Variants in ACAD10 observed in about 807,000 individuals in gnomAD.
ACAD10 encodes the protein ACAD-10.
In ACAD10, 112 loss-of-function variants were observed where a neutral mutation model predicts 116.8. The observed-to-expected ratio is 0.96, with a 90% CI of 0.82 to 1.12. The LOEUF (loss-of-function observed/expected upper bound fraction) is 1.12. Among genes scored for constraint, ACAD10 ranks in the 50% most tolerant of loss-of-function variants. The probability of loss-of-function intolerance (pLI) is 0.00; values close to 1 mark genes in which losing one functional copy is unlikely to be tolerated. For missense variants in ACAD10, 1,259 were observed against 1,350.2 expected (o/e 0.93, Z 1.06); for synonymous variants, 486 against 510.6 (o/e 0.95, Z 0.65).
At chr12:111,723,363 C>T (rs1437411729) in intron 8 of ACAD10, among the ~76,000 whole-genome samples, 26 of 129,758 alleles carry the variant, frequency 2.0e-4, no homozygotes, top group African/African-American at 6.7e-4. Flanking sequence ...GCTGTCCAGG[C>T]GGGGGGCTGA....
At chr12:111,753,677 C>G in intron 18 of ACAD10, 95 bp from the exon 19 acceptor site, 1 of 1,552,936 alleles carries the variant, frequency 6.4e-7, no homozygotes, top group Non-Finnish European at 8.9e-7. Context: ...CCTGTCCTGT[C>G]TGCTTCCACC....
chr12:111,729,774 T>A, intron 9 of ACAD10, 32 bp from the exon 10 acceptor site: 1 of 1,598,294 alleles, frequency 6.3e-7, no homozygotes, highest in Non-Finnish European at 8.6e-7. Flanking sequence ...TTGCTGAAAT[T>A]GCACACCAAG....
chr12:111,745,211 C>T (rs1566166691), intron 13 of ACAD10, 168 bp downstream of exon 13: 4 of 755,408 alleles, frequency 5.3e-6, no homozygotes, highest in Non-Finnish European at 8.3e-6. Context: ...GACTCAGTTT[C>T]CATCTCTTGC....
rs774510931 is a variant in ACAD10, at chr12:111,728,094, TCA to T, written c.1197_1198del (p.His399GlnfsTer10). 11 of 1,613,664 alleles carry T rather than the reference TCA, an allele frequency of 6.8e-6. No individual in the cohort carries two copies. The highest frequency in any genetic ancestry group is 6.6e-5 in the South Asian group (6 of 90,966). Reference protein sequence around the residue: ...TAMNTVLCKIHSVDLQAVGLE... With the variant: ...TAMNTVLCKIXSVDLQAVGLE... ...CCATGAACACAGTCCTGTGCAAAATTCACAGTGTGGATCTGCAGGCTGTGGGA... is the reference window on the plus strand; with the variant it reads ...CCATGAACACAGTCCTGTGCAAAATTCAGTGTGGATCTGCAGGCTGTGGGA... On this transcript the variant is annotated frameshift_variant, in exon 9 of 21. Transcript: ENST00000313698. LOFTEE classifies it high-confidence loss of function.
chr12:111,753,507 T>C (rs563945474), intron 18 of ACAD10: 238 of 675,338 alleles, frequency 3.5e-4, no homozygotes, highest in Non-Finnish European at 5.9e-4. Flanking sequence ...GAATAAAGGG[T>C]TCTTGGAAGC....
chr12:111,755,602 G>C, intron 19 of ACAD10, 66 bp from the exon 20 acceptor site: 1 of 1,208,024 alleles, frequency 8.3e-7, no homozygotes, highest in South Asian at 1.2e-5. Flanking sequence ...GGGGGACGGG[G>C]GGGCCTCACT....
At chr12:111,718,004 C>CTTTTAATA (rs1020388499) in intron 7 of ACAD10, among the ~76,000 whole-genome samples, 2 of 136,566 alleles carry the variant, frequency 1.5e-5, no homozygotes, top group Non-Finnish European at 3.1e-5. Flanking sequence ...CCTTACTATC[C>CTTTTAATA]TTTTAATATA....
chr12:111,735,059 TA>T (rs1445695892), intron 11 of ACAD10, among the ~76,000 whole-genome samples: 5 of 151,918 alleles, frequency 3.3e-5, no homozygotes, highest in African/African-American at 1.2e-4. Flanking sequence ...CCGTCTCTAC[TA>T]AAAATACAAA....
rs1367780841 is a variant in ACAD10 at position 111,728,502 on chromosome 12, G to GT, written c.1243+365dup. Among the ~76,000 whole-genome samples, 9 of 150,278 alleles carry GT rather than the reference G, an allele frequency of 6.0e-5. 1 individual carries two copies. In the East Asian group the frequency reaches 1.6e-3, roughly 26 times the overall value. ...AGGTATTTAAAATGTATTTTTCTCC[G>GT]TTTTTTACCCTTTCCCCTAAATATT... On this transcript the variant is annotated intron_variant, in intron 9 of 20. Coordinates refer to ENST00000313698, the MANE Select transcript of ACAD10 (RefSeq NM_025247.6).
At chr12:111,751,518 G>A (rs1367112322) in intron 18 of ACAD10, among the ~76,000 whole-genome samples, 1 of 151,898 alleles carries the variant, frequency 6.6e-6, no homozygotes, top group Admixed American at 6.6e-5. Flanking sequence ...ATCACTTCAG[G>A]TTAGGAGTTT....
Position 111,715,895 on chromosome 12 carries a change from C to A in ACAD10, c.925C>A (p.Leu309Ile), listed in dbSNP as rs1444927651. Reference sequence around the variant, plus strand: ...CTACATCAGGCTGGCTAATCGTGATCTAGTTCTGAGGAAGAAGCCCCCAGG... The same window carrying A: ...CTACATCAGGCTGGCTAATCGTGATATAGTTCTGAGGAAGAAGCCCCCAGG... Reference protein sequence around the residue: ...TYYIRLANRDLVLRKKPPGTL... With the variant: ...TYYIRLANRDIVLRKKPPGTL... The change falls in exon 7 of 21, where the codon CTA (leucine) becomes ATA (isoleucine). Residue 309 changes from leucine (L) to isoleucine (I), a missense_variant. Transcript: ENST00000313698. 2 of 1,613,992 alleles carry A rather than the reference C, an allele frequency of 1.2e-6. No individual in the cohort carries two copies. The highest frequency in any genetic ancestry group is 2.7e-5 in the African/African-American group (2 of 74,904).
intron 12 of ACAD10, among the ~76,000 whole-genome samples, chr12:111,739,757 GA>G (rs1276574526): frequency 2.7e-5 from 4 of 147,016 alleles, no homozygotes; most frequent in African/African-American, 2.5e-5. Flanking sequence ...GACTGTCTCA[GA>G]AAAAAAAAAG....
intron 8 of ACAD10, among the ~76,000 whole-genome samples, chr12:111,725,230 G>C (rs985775928): frequency 6.6e-6 from 1 of 152,030 alleles, no homozygotes; most frequent in African/African-American, 2.4e-5. Flanking sequence ...GACATTGACC[G>C]GGCATAGTGG....
At chr12:111,735,265 C>T (rs7975114) in intron 11 of ACAD10, among the ~76,000 whole-genome samples, 11,852 of 151,604 alleles carry the variant, frequency 0.078, 1,613 homozygotes, top group East Asian at 0.62. Flanking sequence ...TGGGTTAATT[C>T]CTATTTAGAT....
intron 1 of ACAD10, among the ~76,000 whole-genome samples, chr12:111,688,854 G>A (rs1338349097): frequency 6.6e-6 from 1 of 151,842 alleles, no homozygotes; most frequent in Non-Finnish European, 1.5e-5. Context: ...TGCCAGCACA[G>A]TATTCTCAGG....
chr12:111,703,702 G>A (rs953198746), intron 3 of ACAD10, among the ~76,000 whole-genome samples: 2 of 152,004 alleles, frequency 1.3e-5, no homozygotes, highest in African/African-American at 2.4e-5. Context: ...GCCAGGCGTG[G>A]TGGTGGGCAT....
intron 6 of ACAD10, chr12:111,715,574 T>G: frequency 2.2e-6 from 1 of 457,314 alleles, no homozygotes; most frequent in Non-Finnish European, 3.9e-6. Context: ...ACTGAGAAAA[T>G]TACTGTGGTA....
At chr12:111,706,782 A>ATATATTTTTTTT (rs778649893) in intron 4 of ACAD10, among the ~76,000 whole-genome samples, 6 of 126,504 alleles carry the variant, frequency 4.7e-5, no homozygotes, top group African/African-American at 1.6e-4. Flanking sequence ...ATATATATAT[A>ATATATTTTTTTT]TTTTTTTTTT....
intron 2 of ACAD10, among the ~76,000 whole-genome samples, chr12:111,699,051 G>C (rs1888275481): frequency 6.6e-6 from 1 of 151,890 alleles, no homozygotes; most frequent in Non-Finnish European, 1.5e-5. Context: ...GCTAATTTTT[G>C]TATTTTTTGT....
Sources: allele counts gnomAD v4.1 joint callset (sites outside exome capture counted in the v4.1 genomes callset), GRCh38; gene constraint gnomAD v4.1.1; transcripts MANE v1.5; gene names NCBI Gene and HGNC (gene_info 2026-07-23, HGNC 2026-07-21).